SNX7: variants seen among roughly 807,000 people sequenced by gnomAD.
SNX7 encodes sorting nexin-7.
SNX7 carries 35 observed loss-of-function variants against 48.4 expected under a neutral mutation model. The observed-to-expected ratio is 0.72, with a 90% CI of 0.55 to 0.96. The LOEUF (loss-of-function observed/expected upper bound fraction) is 0.96, where lower values mean the gene tolerates loss of function less well. Ranked by LOEUF, SNX7 falls within the 40% of genes least tolerant of loss-of-function variation. The pLI, the probability that SNX7 is intolerant of heterozygous loss-of-function variation, is 0.00. For missense variants in SNX7, 553 were observed against 548.9 expected (o/e 1.01, Z -0.07); for synonymous variants, 190 against 190.2 (o/e 1.00, Z 0.01).
At chr1:98,745,285 G>A (rs1433855887) in intron 8 of SNX7, among the ~76,000 whole-genome samples, 1 of 151,936 alleles carries the variant, frequency 6.6e-6, no homozygotes, top group African/African-American at 2.4e-5. Context: ...CCTCTGTCAA[G>A]AGGCACATTC....
At chr1:98,732,064 G>C (rs2101025447) in intron 7 of SNX7, among the ~76,000 whole-genome samples, 1 of 152,146 alleles carries the variant, frequency 6.6e-6, no homozygotes, top group African/African-American at 2.4e-5. Flanking sequence ...AATGTGGTTG[G>C]CTTTCTCACT....
chr1:98,754,491 T>C (rs1198580514), intron 8 of SNX7, among the ~76,000 whole-genome samples: 6 of 152,096 alleles, frequency 3.9e-5, no homozygotes, highest in Non-Finnish European at 7.4e-5. Flanking sequence ...TATGAAGATA[T>C]TTAACTACAA....
At chr1:98,752,044 A>T (rs1352344280) in intron 8 of SNX7, among the ~76,000 whole-genome samples, 2 of 152,120 alleles carry the variant, frequency 1.3e-5, no homozygotes, top group Admixed American at 1.3e-4. Context: ...GTGAAAAAAA[A>T]TTGATGACAA....
intron 8 of SNX7, among the ~76,000 whole-genome samples, chr1:98,748,395 A>G (rs1325992724): frequency 6.6e-6 from 1 of 152,100 alleles, no homozygotes; most frequent in Non-Finnish European, 1.5e-5. Context: ...GAGCCTAGGT[A>G]TGAAATAGAC....
chr1:98,691,460 C>T (rs925682867), intron 3 of SNX7, 75 bp from the exon 4 acceptor site: 51 of 1,248,358 alleles, frequency 4.1e-5, no homozygotes, highest in Non-Finnish European at 5.0e-5. Context: ...GTCTTCCAAA[C>T]AGGGAAAGCG....
intron 8 of SNX7, among the ~76,000 whole-genome samples, chr1:98,752,981 G>C (rs9434448): frequency 6.6e-6 from 1 of 151,810 alleles, no homozygotes; most frequent in Non-Finnish European, 1.5e-5. Context: ...CCTGGTGATG[G>C]TTCAGGACAT....
In SNX7 at chr1:98,672,930, C is replaced by CAAAAAAAAAA. The variant is rs57705068; in HGVS notation, c.180+11032_180+11041dup. ...TGGGCGACAGAGCGAGACTCCGTCTCAAAAAAAAAAAAAAAAAAAAAAGAA... is the reference window on the plus strand; with the variant it reads ...TGGGCGACAGAGCGAGACTCCGTCTCAAAAAAAAAAAAAAAAAAAAAAAAAAAAAAAAGAA... On this transcript the variant is annotated intron_variant, in intron 1 of 8. Transcript: ENST00000306121. Among the ~76,000 whole-genome samples the CAAAAAAAAAA allele has an allele frequency of 9.0e-5, 8 of 88,518 alleles. No homozygotes were observed. The South Asian group carries it at 1.4e-3, about 16-fold the overall frequency. 58.1% of individuals were successfully genotyped at this position (88,518 alleles called of 152,430 possible).
chr1:98,691,825 A>G (rs1651144726), intron 4 of SNX7, 126 bp downstream of exon 4: 4 of 715,430 alleles, frequency 5.6e-6, no homozygotes, highest in African/African-American at 3.7e-5. Flanking sequence ...GGAATTTTTC[A>G]GAAACACTGG....
chr1:98,669,268 A>G (rs1340762339), intron 1 of SNX7, among the ~76,000 whole-genome samples: 1 of 151,962 alleles, frequency 6.6e-6, no homozygotes, highest in African/African-American at 2.4e-5. Flanking sequence ...TACCTTTTTG[A>G]TATCTCTGGA....
chr1:98,707,450 G>A (rs996467376), intron 7 of SNX7, among the ~76,000 whole-genome samples: 3 of 152,118 alleles, frequency 2.0e-5, no homozygotes, highest in African/African-American at 7.2e-5. Context: ...GAGATTATGA[G>A]GAAACTCAGA....
At chr1:98,676,054 C>T (rs1304976436) in intron 1 of SNX7, among the ~76,000 whole-genome samples, 2 of 151,904 alleles carry the variant, frequency 1.3e-5, no homozygotes, top group Admixed American at 6.6e-5. Context: ...AACCCAACAG[C>T]AATCCCAACA....
At chr1:98,722,185 A>G (rs967278470) in intron 7 of SNX7, among the ~76,000 whole-genome samples, 2 of 152,256 alleles carry the variant, frequency 1.3e-5, no homozygotes, top group African/African-American at 2.4e-5. Context: ...TAGAAAATGC[A>G]TTGTGTTTTA....
chr1:98,723,860 C>T (rs113000674), intron 7 of SNX7, among the ~76,000 whole-genome samples: 18 of 142,776 alleles, frequency 1.3e-4, no homozygotes, highest in African/African-American at 4.7e-4. Context: ...GACTTTGACT[C>T]AAAAAAAAAA....
intron 8 of SNX7, among the ~76,000 whole-genome samples, chr1:98,742,072 A>T (rs1654098678): frequency 2.0e-5 from 3 of 152,254 alleles, no homozygotes; most frequent in African/African-American, 7.2e-5. Context: ...GAGCACAAAA[A>T]ATGGGGAACC....
At chr1:98,683,144 A>G (rs1014850651) in intron 1 of SNX7, among the ~76,000 whole-genome samples, 23 of 152,084 alleles carry the variant, frequency 1.5e-4, no homozygotes, top group African/African-American at 5.6e-4. Context: ...AAAAGTGTTT[A>G]TGCTCTGTTC....
intron 8 of SNX7, among the ~76,000 whole-genome samples, chr1:98,748,395 A>C (rs1325992724): frequency 6.6e-6 from 1 of 152,100 alleles, no homozygotes; most frequent in Non-Finnish European, 1.5e-5. Context: ...GAGCCTAGGT[A>C]TGAAATAGAC....
chr1:98,725,101 C>G (rs141241100), intron 7 of SNX7, among the ~76,000 whole-genome samples: 30 of 152,280 alleles, frequency 2.0e-4, no homozygotes, highest in Non-Finnish European at 3.8e-4. Context: ...GGTACCCCCT[C>G]ATGGGCAATG....
intron 6 of SNX7, among the ~76,000 whole-genome samples, chr1:98,700,665 C>A (rs931625892): frequency 6.6e-6 from 1 of 151,954 alleles, no homozygotes; most frequent in African/African-American, 2.4e-5. Context: ...CCACCTCTTT[C>A]TTCCAAAGTG....
Position 98,684,871 on chromosome 1 carries a change from G to A in SNX7, c.181-14G>A, listed in dbSNP as rs758566342. ...TTTCTATTGATACTAATTTTTGAAT[G>A]TTTTATTTCTTAGGATGCCTCATTG... On this transcript the variant is annotated splice_polypyrimidine_tract_variant and intron_variant, in intron 1 of 8. Coordinates refer to ENST00000306121, the MANE Select transcript of SNX7 (RefSeq NM_015976.5). 5 of 1,465,260 alleles carry A rather than the reference G, an allele frequency of 3.4e-6. No homozygotes were observed. In the East Asian group the frequency reaches 1.2e-4, roughly 35 times the overall value. 90.8% of individuals were successfully genotyped at this position (1,465,260 alleles called of 1,614,324 possible). A position where few individuals can be genotyped will look rare whatever the true frequency, so the allele number is the denominator to read the frequency against.
Sources: allele counts gnomAD v4.1 joint callset (sites outside exome capture counted in the v4.1 genomes callset), GRCh38; gene constraint gnomAD v4.1.1; transcripts MANE v1.5; gene names NCBI Gene and HGNC (gene_info 2026-07-23, HGNC 2026-07-21).